SEMA6D: variants seen among roughly 807,000 people sequenced by gnomAD.
The protein encoded by SEMA6D is semaphorin 6D, also known as semaphorin-6D.
A neutral mutation model predicts 106.6 loss-of-function variants in SEMA6D; 35 were observed. The ratio of observed to expected loss-of-function variants is 0.33; its 90% CI spans 0.25 to 0.44. The LOEUF (loss-of-function observed/expected upper bound fraction) is 0.44, where lower values mean the gene tolerates loss of function less well. Among genes scored for constraint, SEMA6D ranks in the 20% least tolerant of loss-of-function variants. The pLI, the probability that SEMA6D is intolerant of heterozygous loss-of-function variation, is 1.00. For missense variants in SEMA6D, 1,185 were observed against 1,345.9 expected (o/e 0.88, Z 1.87); for synonymous variants, 499 against 487.7 (o/e 1.02, Z -0.31).
At chr15:47,392,156 A>G (rs190768808) in intron 1 of SEMA6D, among the ~76,000 whole-genome samples, 18 of 152,322 alleles carry the variant, frequency 1.2e-4, no homozygotes, top group Admixed American at 1.0e-3. Flanking sequence ...GGGCACAGAA[A>G]ACGATCTGAA....
chr15:47,487,968 T>C (rs902319624), intron 3 of SEMA6D, among the ~76,000 whole-genome samples: 2 of 152,184 alleles, frequency 1.3e-5, no homozygotes, highest in Non-Finnish European at 2.9e-5. Flanking sequence ...ACCACCAAAT[T>C]GCCAGTCAAC....
intron 1 of SEMA6D, among the ~76,000 whole-genome samples, chr15:47,742,517 G>C (rs944031150): frequency 4.8e-4 from 73 of 152,352 alleles, no homozygotes; most frequent in African/African-American, 1.6e-3. Flanking sequence ...ACTTGAGATA[G>C]AGCCTAGGGC....
intron 1 of SEMA6D, among the ~76,000 whole-genome samples, chr15:47,316,854 A>G (rs11070581): frequency 0.44 from 66,256 of 151,992 alleles, 16,816 homozygotes; most frequent in Non-Finnish European, 0.57. Flanking sequence ...CATGTTTATA[A>G]GAGATATTAG....
At chr15:47,381,157 G>A (rs1463487322) in intron 1 of SEMA6D, among the ~76,000 whole-genome samples, 2 of 152,228 alleles carry the variant, frequency 1.3e-5, no homozygotes, top group African/African-American at 2.4e-5. Context: ...TACTGCAGCA[G>A]AAAACTTGGA....
At chr15:47,421,466 T>C (rs966450711) in intron 2 of SEMA6D, among the ~76,000 whole-genome samples, 1 of 151,710 alleles carries the variant, frequency 6.6e-6, no homozygotes, top group Non-Finnish European at 1.5e-5. Context: ...TAAATAAATA[T>C]GCACTAATAA....
chr15:47,334,940 G>A (rs2037489261), intron 1 of SEMA6D, among the ~76,000 whole-genome samples: 1 of 152,192 alleles, frequency 6.6e-6, no homozygotes, highest in Non-Finnish European at 1.5e-5. Context: ...ATCTGTAATA[G>A]GTAAAATGAA....
Position 47,316,381 on chromosome 15 carries a change from T to G in SEMA6D, c.-238-96012T>G, listed in dbSNP as rs2036678190. On this transcript the variant is annotated intron_variant, in intron 1 of 19. Transcript: ENST00000558014. The stretch of plus-strand genomic sequence containing the variant: ...TGCTGGGATTACATGCTTGAGCCAC[T>G]GCAACTGGCCTCCTTTTCTTATCTT... Among the ~76,000 whole-genome samples, 4 of 152,030 alleles carry G rather than the reference T, an allele frequency of 2.6e-5. 1 individual carries two copies. Among genetic ancestry groups the G allele is most frequent in the Admixed American group, 1.3e-4 (2 of 15,256 alleles).
At chr15:47,493,758 A>T (rs1365491757) in intron 3 of SEMA6D, among the ~76,000 whole-genome samples, 1 of 152,158 alleles carries the variant, frequency 6.6e-6, no homozygotes, top group East Asian at 1.9e-4. Context: ...TAAGAGAAAC[A>T]AAGTAATTTA....
intron 1 of SEMA6D, among the ~76,000 whole-genome samples, chr15:47,205,873 A>T (rs1049127920): frequency 1.3e-5 from 2 of 152,220 alleles, no homozygotes; most frequent in Non-Finnish European, 2.9e-5. Flanking sequence ...TGCATAGGTC[A>T]TATGCATAAA....
chr15:47,765,489 AAAC>A, intron 13 of SEMA6D: 1 of 975,058 alleles, frequency 1.0e-6, no homozygotes, highest in African/African-American at 1.7e-5. Flanking sequence ...TTAAAAAAAA[AAAC>A]AAATAAGAAA....
chr15:47,483,776 C>CT (rs2043218758), intron 3 of SEMA6D, among the ~76,000 whole-genome samples: 1 of 152,128 alleles, frequency 6.6e-6, no homozygotes, highest in South Asian at 2.1e-4. Context: ...TCATGCCTAT[C>CT]TAAGTAAGGA....
intron 2 of SEMA6D, among the ~76,000 whole-genome samples, chr15:47,436,742 G>A (rs2041715718): frequency 1.6e-5 from 2 of 122,674 alleles, no homozygotes; most frequent in Admixed American, 1.8e-4. Flanking sequence ...AACAGCCTGG[G>A]CAGTCCTATC....
At chr15:47,557,176 G>A (rs2045939515) in intron 3 of SEMA6D, among the ~76,000 whole-genome samples, 1 of 152,068 alleles carries the variant, frequency 6.6e-6, no homozygotes, top group African/African-American at 2.4e-5. Flanking sequence ...GAAGGCCTAG[G>A]GGAAACTCAA....
intron 1 of SEMA6D, among the ~76,000 whole-genome samples, chr15:47,201,410 G>A (rs1894718589): frequency 6.6e-6 from 1 of 152,096 alleles, no homozygotes; most frequent in Non-Finnish European, 1.5e-5. Context: ...TAGAAATGTG[G>A]TAAATATAAA....
At chr15:47,233,836 A>G (rs1008923118) in intron 1 of SEMA6D, among the ~76,000 whole-genome samples, 8 of 152,034 alleles carry the variant, frequency 5.3e-5, no homozygotes, top group Non-Finnish European at 1.0e-4. Context: ...GGGATTGTCT[A>G]TATATATAAG....
At chr15:47,635,264 G>A (rs1259534215) in intron 4 of SEMA6D, among the ~76,000 whole-genome samples, 5 of 152,142 alleles carry the variant, frequency 3.3e-5, no homozygotes, top group Admixed American at 2.0e-4. Flanking sequence ...GGCAAGACAG[G>A]ACAAGATAGA....
At position 47,414,884 on chromosome 15, in the gene SEMA6D, A is replaced by T. The variant is rs142273172; in HGVS notation, c.-159+2412A>T. Among the ~76,000 whole-genome samples, 286 of 152,218 alleles carry T rather than the reference A, an allele frequency of 1.9e-3. 6 individuals are homozygous for T. In the South Asian group the frequency reaches 0.04, roughly 21 times the overall value. ...ACCATACCTGATTTTGCTGGATAGG[A>T]TTTTTCTTCTTTTGTCTCTAAGATT... On this transcript the variant is annotated intron_variant, in intron 2 of 19. Transcript: ENST00000558014.
chr15:47,450,070 T>A (rs1027565892), intron 2 of SEMA6D, among the ~76,000 whole-genome samples: 1 of 152,096 alleles, frequency 6.6e-6, no homozygotes, highest in African/African-American at 2.4e-5. Flanking sequence ...AATTGCCTTT[T>A]AAAAAATAGG....
chr15:47,577,422 G>T (rs2076174577), intron 3 of SEMA6D, among the ~76,000 whole-genome samples: 1 of 152,230 alleles, frequency 6.6e-6, no homozygotes, highest in Non-Finnish European at 1.5e-5. Flanking sequence ...GGCAGAAAAG[G>T]CACATGGCTG....
Sources: allele counts gnomAD v4.1 joint callset (sites outside exome capture counted in the v4.1 genomes callset), GRCh38; gene constraint gnomAD v4.1.1; transcripts MANE v1.5; gene names NCBI Gene and HGNC (gene_info 2026-07-23, HGNC 2026-07-21).